Variants in TTLL3 observed in about 807,000 individuals in gnomAD.
The protein encoded by TTLL3 is tubulin monoglycylase TTLL3.
A neutral mutation model predicts 75.2 loss-of-function variants in TTLL3; 63 were observed. The ratio of observed to expected loss-of-function variants is 0.84; its 90% CI spans 0.68 to 1.03. The LOEUF is 1.03. Ranked by LOEUF, TTLL3 falls within the 50% of genes least tolerant of loss-of-function variation. The pLI, the probability that TTLL3 is intolerant of heterozygous loss-of-function variation, is 0.00. For synonymous variants in TTLL3, 393 were observed against 418.5 expected, an observed-to-expected ratio of 0.94 and a Z score of 0.74; for missense variants, 997 against 1,069.9, an observed-to-expected ratio of 0.93 and a Z score of 0.95.
Position 9,810,825 on chromosome 3 carries a change from A to G in TTLL3, c.48+116A>G. 3 of 1,000,200 alleles carry G rather than the reference A, an allele frequency of 3.0e-6. No individual in the cohort carries two copies. The highest frequency in any genetic ancestry group is 4.3e-6 in the Non-Finnish European group (3 of 696,796). The allele number at this position is 1,000,200 out of a possible 1,614,324, so 62.0% of individuals were successfully genotyped here. A position where few individuals can be genotyped will look rare whatever the true frequency, so the allele number is the denominator to read the frequency against. On this transcript the variant is annotated intron_variant, in intron 2 of 13. Transcript: ENST00000685419. This position sits in a 1 kb window ranked among gnomAD's most constrained non-coding sequence, Gnocchi z 4.4. ...AAGCAAAAGAAAAAACAATAGCAAAAATCCTCAACCACCACACCCATCTTC... is the reference window on the plus strand; with the variant it reads ...AAGCAAAAGAAAAAACAATAGCAAAGATCCTCAACCACCACACCCATCTTC...
chr3:9,829,384 A>T lies in TTLL3; in HGVS notation c.1672A>T (p.Ile558Phe), dbSNP rs772210104. 86 of 1,593,394 alleles carry T rather than the reference A, an allele frequency of 5.4e-5. No homozygotes were observed. The highest frequency in any genetic ancestry group is 7.4e-5 in the Non-Finnish European group (86 of 1,167,078). ...RNCDTGAFELIYKQPAVEVPQ... is the reference protein window; with the variant it reads ...RNCDTGAFELFYKQPAVEVPQ... Reference sequence around the variant, plus strand: ...CTGTGACACAGGAGCCTTTGAGCTCATCTATAAGCAGGTGAGGAGGTTGGG... The same window carrying T: ...CTGTGACACAGGAGCCTTTGAGCTCTTCTATAAGCAGGTGAGGAGGTTGGG... Residue 558 changes from isoleucine (I) to phenylalanine (F), a missense_variant, in exon 11 of 14, where the codon ATC becomes TTC. By Grantham distance (21) the Ile-to-Phe change is conservative (BLOSUM62 0). Coordinates refer to ENST00000685419, the MANE Select transcript of TTLL3 (RefSeq NM_001387446.1).
At chr3:9,821,451 A>G (rs1218281564) in intron 8 of TTLL3, among the ~76,000 whole-genome samples, 2 of 152,214 alleles carry the variant, frequency 1.3e-5, no homozygotes, top group Non-Finnish European at 2.9e-5. Context: ...ACTGGGACAC[A>G]GCTCAAGGTT....
intron 8 of TTLL3, among the ~76,000 whole-genome samples, chr3:9,821,871 C>T (rs554673452): frequency 9.9e-5 from 15 of 151,856 alleles, no homozygotes; most frequent in East Asian, 7.9e-4. Context: ...GGCATGGTGG[C>T]GCACGCCTAT....
chr3:9,817,752 C>T lies in TTLL3; in HGVS notation c.552C>T (p.Ala184=). The part of the protein sequence containing the change: ...YCLGAEDDKK[A]FIEDFWLTAA... ...TGGGGGCTGAGGATGACAAAAAAGC[C>T]TTCATAGGTAAGGAGACCCCCAGCC... Residue 184 remains alanine (A), a synonymous_variant, in exon 6 of 14, where the codon GCC becomes GCT. Coordinates refer to ENST00000685419, the MANE Select transcript of TTLL3 (RefSeq NM_001387446.1). 1 of 1,614,164 alleles carries T rather than the reference C, an allele frequency of 6.2e-7. No homozygotes were observed. Among genetic ancestry groups the T allele is most frequent in the South Asian group, 1.1e-5 (1 of 91,086 alleles).
At chr3:9,826,141 CATG>C (rs2081017253) in intron 9 of TTLL3, among the ~76,000 whole-genome samples, 193 bp downstream of exon 9, 1 of 152,222 alleles carries the variant, frequency 6.6e-6, no homozygotes, top group Non-Finnish European at 1.5e-5. Flanking sequence ...TCATCTGTGA[CATG>C]AGGAGGATGA....
At chr3:9,833,307 C>T (rs2081755282) in intron 12 of TTLL3, 62 bp downstream of exon 12, 1 of 1,588,668 alleles carries the variant, frequency 6.3e-7, no homozygotes, top group African/African-American at 1.4e-5. Context: ...GGGCCAGGAG[C>T]CTGGGGCACA....
At chr3:9,832,901 C>T (rs1051659580) in intron 11 of TTLL3, among the ~76,000 whole-genome samples, 7 of 152,174 alleles carry the variant, frequency 4.6e-5, no homozygotes, top group Non-Finnish European at 7.4e-5. Flanking sequence ...TAGGATTCCC[C>T]CTTCCTCTGG....
chr3:9,835,003 G>C, intron 13 of TTLL3, 91 bp from the exon 14 acceptor site: 2 of 1,601,174 alleles, frequency 1.2e-6, no homozygotes, highest in Admixed American at 3.4e-5. Flanking sequence ...AGGCTGGCTG[G>C]CACCCCAAGG....
At chr3:9,816,003 C>A (rs2125694566) in intron 4 of TTLL3, 71 bp from the exon 5 acceptor site, 1 of 1,276,074 alleles carries the variant, frequency 7.8e-7, no homozygotes, top group Non-Finnish European at 1.0e-6. Flanking sequence ...CTCAGCAGGG[C>A]AGGGAGAGGC....
chr3:9,822,002 CAAAA>C (rs1197157115), intron 8 of TTLL3, among the ~76,000 whole-genome samples: 2 of 50,070 alleles, frequency 4.0e-5, no homozygotes, highest in Admixed American at 2.3e-4. Context: ...GACTCCGTCT[CAAAA>C]AAAAAAAAAA....
upstream of TTLL3, chr3:9,810,217 G>T: frequency 6.7e-7 from 1 of 1,493,590 alleles, no homozygotes; most frequent in South Asian, 1.3e-5. This position sits in a 1 kb window ranked among gnomAD's most constrained non-coding sequence, Gnocchi z 4.4. Flanking sequence ...CCCTGCCTCC[G>T]CCCAGTCCGA....
At position 9,827,485 on chromosome 3, in the gene TTLL3, C is replaced by T. The variant is rs1242681468; in HGVS notation, c.1247+245C>T. The T allele has an allele frequency of 7.2e-6, 4 of 559,044 alleles. No individual in the cohort carries two copies. In the African/African-American group the frequency reaches 7.5e-5, roughly 11 times the overall value. 34.6% of individuals were successfully genotyped at this position (559,044 alleles called of 1,614,324 possible). A position where few individuals can be genotyped will look rare whatever the true frequency, so the allele number is the denominator to read the frequency against. Reference sequence around the variant, plus strand: ...TGGCATGGTCACGGCTCACTGTAGCCTTGACTTCCTGTGCTCAAGCAATCC... The same window carrying T: ...TGGCATGGTCACGGCTCACTGTAGCTTTGACTTCCTGTGCTCAAGCAATCC... On this transcript the variant is annotated intron_variant, in intron 10 of 13. Coordinates refer to ENST00000685419, the MANE Select transcript of TTLL3 (RefSeq NM_001387446.1).
chr3:9,822,042 T>C (rs2080470948), intron 8 of TTLL3, among the ~76,000 whole-genome samples: 2 of 146,796 alleles, frequency 1.4e-5, no homozygotes, highest in Admixed American at 1.4e-4. Context: ...CTTAGAACAT[T>C]AGTCATGAAG....
chr3:9,818,487 G>T (rs1575374354), intron 6 of TTLL3: 2 of 241,628 alleles, frequency 8.3e-6, no homozygotes, highest in Admixed American at 1.1e-4. Context: ...TCCTGCCTCA[G>T]CCTCCCGAGT....
In TTLL3 at chr3:9,829,185, C is replaced by G. The variant is rs540019817; in HGVS notation, c.1473C>G (p.Ala491=). 2 of 1,614,196 alleles carry G rather than the reference C, an allele frequency of 1.2e-6. No individual in the cohort carries two copies. Among genetic ancestry groups the G allele is most frequent in the African/African-American group, 2.7e-5 (2 of 75,058 alleles). The change falls in exon 11 of 14, where the codon GCC becomes GCG. Residue 491 remains alanine, a synonymous_variant. Coordinates refer to ENST00000685419, the MANE Select transcript of TTLL3 (RefSeq NM_001387446.1). ...AGGACACCGTGCAGTGTCGGAAGGCCAGCTTTGAGCTCTATGGCGCTGACT... is the reference window on the plus strand; with the variant it reads ...AGGACACCGTGCAGTGTCGGAAGGCGAGCTTTGAGCTCTATGGCGCTGACT... ...TSQDTVQCRK[A]SFELYGADFV...
At chr3:9,825,505 A>C in intron 8 of TTLL3, 1 of 448,012 alleles carries the variant, frequency 2.2e-6, no homozygotes, top group Non-Finnish European at 4.2e-6. Context: ...TGTCAAAGAC[A>C]GTTTTAATGT....
Position 9,810,265 on chromosome 3 carries a change from CCCGCCCCTGCGCG to C in TTLL3, c.-165_-153del. The C allele has an allele frequency of 6.6e-7, 1 of 1,507,470 alleles. No individual in the cohort carries two copies. The highest frequency in any genetic ancestry group is 1.2e-5 in the South Asian group (1 of 81,230). 93.4% of individuals were successfully genotyped at this position (1,507,470 alleles called of 1,614,324 possible). On this transcript the variant is annotated 5_prime_UTR_variant, in exon 1 of 14. Transcript: ENST00000685419. This position sits in a 1 kb window ranked among gnomAD's most constrained non-coding sequence, Gnocchi z 4.4. ...AGGCGGCAGATGCCAGGCGGGCAGC[CCCGCCCCTGCGCG>C]CCGCCTCAGCGGCGCCTTCAAGACG... is the stretch of plus-strand genomic sequence containing the variant.
intron 10 of TTLL3, 117 bp downstream of exon 10, chr3:9,827,357 G>A (rs903193907): frequency 6.8e-7 from 1 of 1,480,196 alleles, no homozygotes; most frequent in African/African-American, 1.4e-5. Flanking sequence ...CACACAGACT[G>A]CAGGCAGGCA....
intron 9 of TTLL3, 52 bp downstream of exon 9, chr3:9,826,000 C>T (rs1324643226): frequency 6.3e-7 from 1 of 1,591,794 alleles, no homozygotes; most frequent in South Asian, 1.1e-5. Flanking sequence ...CTGCATCTAC[C>T]AGTAGAGGCC....
Sources: gnomAD v4.1 joint callset for allele counts (sites outside exome capture counted in the v4.1 genomes callset) on GRCh38, gnomAD v4.1.1 for gene constraint, Gnocchi (gnomAD v3.1) non-coding constraint, MANE v1.5 for transcripts, NCBI Gene and HGNC (gene_info 2026-07-23, HGNC 2026-07-21) for gene names.